Variants in ROBO1 observed in about 807,000 individuals in gnomAD.
ROBO1 encodes roundabout homolog 1.
In ROBO1, 149 loss-of-function variants were observed where a neutral mutation model predicts 195.9. The observed-to-expected ratio is 0.76, with a 90% CI of 0.67 to 0.87. ROBO1 has a LOEUF of 0.87. Ranked by LOEUF, ROBO1 falls within the 40% of genes least tolerant of loss-of-function variation. ROBO1 has a pLI of 0.00. For missense variants in ROBO1, 1,933 were observed against 2,068.3 expected (o/e 0.93, Z 1.27); for synonymous variants, 816 against 733.2 (o/e 1.11, Z -1.82).
intron 2 of ROBO1, among the ~76,000 whole-genome samples, chr3:79,350,133 A>G (rs2035281808): frequency 6.6e-6 from 1 of 152,234 alleles, no homozygotes. Context: ...AAATGATCTG[A>G]ATGGATATTT....
At chr3:79,263,601 A>G (rs1462709018) in intron 2 of ROBO1, among the ~76,000 whole-genome samples, 1 of 151,970 alleles carries the variant, frequency 6.6e-6, no homozygotes, top group Non-Finnish European at 1.5e-5. Flanking sequence ...CTGATTATGC[A>G]ACTGCACTCC....
intron 3 of ROBO1, among the ~76,000 whole-genome samples, chr3:78,983,784 T>G: frequency 6.6e-6 from 1 of 152,142 alleles, no homozygotes; most frequent in Non-Finnish European, 1.5e-5. Flanking sequence ...CTTAAGTACT[T>G]GAGAAACTAG....
At chr3:79,153,521 A>G (rs1442476120) in intron 2 of ROBO1, among the ~76,000 whole-genome samples, 5 of 151,614 alleles carry the variant, frequency 3.3e-5, no homozygotes, top group Admixed American at 3.3e-4. Context: ...CTCTGAATCC[A>G]GAGCTCACAT....
chr3:79,650,067 TGAG>T (rs1945957155), intron 1 of ROBO1, among the ~76,000 whole-genome samples: 1 of 151,722 alleles, frequency 6.6e-6, no homozygotes, highest in African/African-American at 2.4e-5. Context: ...TCCAAATAAA[TGAG>T]GAGGAAGAAA....
At chr3:78,723,212 GAT>G (rs1363452249) in intron 5 of ROBO1, among the ~76,000 whole-genome samples, 1 of 152,090 alleles carries the variant, frequency 6.6e-6, no homozygotes, top group Non-Finnish European at 1.5e-5. Context: ...GATAGATTTA[GAT>G]ACACAAAAAA....
chr3:78,899,971 A>G (rs1185924815), intron 4 of ROBO1, among the ~76,000 whole-genome samples: 1 of 152,182 alleles, frequency 6.6e-6, no homozygotes. Flanking sequence ...CTTGTCCACA[A>G]ATAGTCTGAA....
At chr3:79,011,697 ATATAT>A (rs2077783128) in intron 3 of ROBO1, among the ~76,000 whole-genome samples, 1 of 149,204 alleles carries the variant, frequency 6.7e-6, no homozygotes, top group Non-Finnish European at 1.5e-5. Context: ...GTTTTTCATA[ATATAT>A]TATATATATG....
intron 2 of ROBO1, among the ~76,000 whole-genome samples, chr3:79,521,603 T>C (rs902665934): frequency 2.0e-5 from 3 of 152,196 alleles, no homozygotes; most frequent in Admixed American, 2.0e-4. Flanking sequence ...GACTGAAGCC[T>C]CTTTCCTACC....
chr3:78,681,862 A>G (rs1292082618), intron 10 of ROBO1, among the ~76,000 whole-genome samples: 1 of 152,154 alleles, frequency 6.6e-6, no homozygotes, highest in Non-Finnish European at 1.5e-5. Flanking sequence ...AGATCGCACC[A>G]CTGCACTCCA....
intron 4 of ROBO1, among the ~76,000 whole-genome samples, chr3:78,838,738 A>G (rs1289426669): frequency 6.6e-6 from 1 of 152,206 alleles, no homozygotes; most frequent in African/African-American, 2.4e-5. Flanking sequence ...AAAGTCCAAC[A>G]TTAGCCTTGG....
chr3:78,950,912 A>G (rs1387100001), intron 3 of ROBO1, among the ~76,000 whole-genome samples: 3 of 151,916 alleles, frequency 2.0e-5, no homozygotes, highest in East Asian at 3.9e-4. Flanking sequence ...TCAGTTTTTC[A>G]TATTCTGAGA....
chr3:79,535,895 T>C (rs1941841437), intron 2 of ROBO1, among the ~76,000 whole-genome samples: 1 of 152,118 alleles, frequency 6.6e-6, no homozygotes, highest in Non-Finnish European at 1.5e-5. Context: ...TTTTTTTGTT[T>C]GTTTGTTTTT....
intron 3 of ROBO1, among the ~76,000 whole-genome samples, chr3:78,946,069 G>T (rs561293465): frequency 7.9e-5 from 12 of 152,254 alleles, no homozygotes; most frequent in African/African-American, 2.9e-4. Context: ...AAGTGATGGG[G>T]AGAATGGAAC....
intron 4 of ROBO1, among the ~76,000 whole-genome samples, chr3:78,893,131 T>C (rs1472899687): frequency 6.6e-6 from 1 of 152,222 alleles, no homozygotes; most frequent in Non-Finnish European, 1.5e-5. Context: ...TGTCATAGAT[T>C]CGTTGCTAGG....
intron 2 of ROBO1, among the ~76,000 whole-genome samples, chr3:79,328,939 T>A (rs2034325751): frequency 6.6e-6 from 1 of 152,188 alleles, no homozygotes; most frequent in African/African-American, 2.4e-5. Flanking sequence ...ATAATGGTTT[T>A]CAAACTGAAT....
At chr3:79,071,712 ACACATG>A (rs6147915) in intron 3 of ROBO1, among the ~76,000 whole-genome samples, 41 of 64,832 alleles carry the variant, frequency 6.3e-4, no homozygotes, top group East Asian at 3.1e-3. Context: ...ATACACACAC[ACACATG>A]CACATGCACA....
At chr3:79,060,610 C>G (rs907142996) in intron 3 of ROBO1, among the ~76,000 whole-genome samples, 1 of 151,954 alleles carries the variant, frequency 6.6e-6, no homozygotes, top group Non-Finnish European at 1.5e-5. Context: ...AAAATATGGG[C>G]AAACTGAATC....
chr3:79,099,167 A>G (rs1192373504), intron 3 of ROBO1, among the ~76,000 whole-genome samples: 5 of 151,822 alleles, frequency 3.3e-5, no homozygotes, highest in African/African-American at 1.2e-4. Flanking sequence ...GAAAGGAAAC[A>G]TACTTTTTCT....
intron 1 of ROBO1, among the ~76,000 whole-genome samples, chr3:79,662,005 T>C (rs942189068): frequency 1.2e-4 from 19 of 152,016 alleles, no homozygotes; most frequent in African/African-American, 4.1e-4. Flanking sequence ...ACAGTGCCTC[T>C]CAAGTTTAAA....
Sources: gnomAD v4.1 joint callset for allele counts (sites outside exome capture counted in the v4.1 genomes callset) on GRCh38, gnomAD v4.1.1 for gene constraint, MANE v1.5 for transcripts, NCBI Gene and HGNC (gene_info 2026-07-23, HGNC 2026-07-21) for gene names.